Variants in GRIK4 observed in about 807,000 individuals in gnomAD.
GRIK4 encodes glutamate receptor ionotropic, kainate 4.
A neutral mutation model predicts 104.9 loss-of-function variants in GRIK4; 40 were observed. That is an observed-to-expected ratio of 0.38 (90% CI 0.30 to 0.50). GRIK4 has a LOEUF of 0.50. Ranked by LOEUF, GRIK4 falls within the 20% of genes least tolerant of loss-of-function variation. The pLI is 0.93. For missense variants in GRIK4, 1,047 were observed against 1,308.1 expected, an observed-to-expected ratio of 0.80 and a Z score of 3.08; for synonymous variants, 485 against 524.9, an observed-to-expected ratio of 0.92 and a Z score of 1.04.
At chr11:120,565,363 TCTC>T (rs1490053630) in intron 1 of GRIK4, among the ~76,000 whole-genome samples, 1 of 152,180 alleles carries the variant, frequency 6.6e-6, no homozygotes, top group African/African-American at 2.4e-5. Flanking sequence ...TGCTGCATCC[TCTC>T]CTCCTTTAAT....
At chr11:120,816,003 T>C (rs1396714002) in intron 5 of GRIK4, among the ~76,000 whole-genome samples, 1 of 152,176 alleles carries the variant, frequency 6.6e-6, no homozygotes, top group African/African-American at 2.4e-5. Flanking sequence ...CATTCACCAG[T>C]TCCAGTGTTT....
chr11:120,702,550 C>T (rs1003368092), intron 3 of GRIK4, among the ~76,000 whole-genome samples: 2 of 152,004 alleles, frequency 1.3e-5, no homozygotes, highest in Non-Finnish European at 2.9e-5. Context: ...GGACAGAGCT[C>T]GGGGGTGCTT....
At chr11:120,969,094 A>G (rs541277774) in intron 19 of GRIK4, among the ~76,000 whole-genome samples, 1 of 152,268 alleles carries the variant, frequency 6.6e-6, no homozygotes, top group Admixed American at 6.5e-5. Context: ...ATCACTTCAC[A>G]CTCCTGGGAA....
chr11:120,909,268 C>G (rs1332111637), intron 13 of GRIK4, among the ~76,000 whole-genome samples: 4 of 152,246 alleles, frequency 2.6e-5, no homozygotes, highest in Admixed American at 2.0e-4. Flanking sequence ...CATGCCCAAG[C>G]AAACATAAGG....
At position 120,614,165 on chromosome 11, in the gene GRIK4, C is replaced by A. The variant is rs528880528; in HGVS notation, c.-158-39520C>A. Among the ~76,000 whole-genome samples, 9 of 152,308 alleles carry A rather than the reference C, an allele frequency of 5.9e-5. No individual in the cohort carries two copies. The South Asian group carries it at 1.9e-3, about 32-fold the overall frequency. On this transcript the variant is annotated intron_variant, in intron 1 of 20. Transcript: ENST00000527524. ...CTGCCCCCCATGTAGGCGTGGCTCCCCCAGAAACAGACCCCAAGTGAAGAC... is the reference window on the plus strand; with the variant it reads ...CTGCCCCCCATGTAGGCGTGGCTCCACCAGAAACAGACCCCAAGTGAAGAC...
intron 11 of GRIK4, among the ~76,000 whole-genome samples, chr11:120,882,830 T>C (rs913337579): frequency 1.3e-5 from 2 of 152,154 alleles, no homozygotes; most frequent in East Asian, 3.9e-4. Context: ...AGTCCCCTCG[T>C]CTGCACTGGC....
In GRIK4 at chr11:120,967,754, C is replaced by T. The variant is rs61903168; in HGVS notation, c.2395+431C>T. On this transcript the variant is annotated intron_variant, in intron 19 of 20. Coordinates refer to ENST00000527524, the MANE Select transcript of GRIK4 (RefSeq NM_014619.5). The surrounding 1 kb of genome is among the most constrained non-coding windows in gnomAD (Gnocchi z 4.2). Reference sequence around the variant, plus strand: ...GGCAGCATTCCCCCCACAAACCTCCCAATGGTTTCCCATCCCACTGGGAAT... The same window carrying T: ...GGCAGCATTCCCCCCACAAACCTCCTAATGGTTTCCCATCCCACTGGGAAT... Among the ~76,000 whole-genome samples, 4 of 152,102 alleles carry T rather than the reference C, an allele frequency of 2.6e-5. No homozygotes were observed. The highest frequency in any genetic ancestry group is 5.9e-5 in the Non-Finnish European group (4 of 68,010).
chr11:120,891,009 T>C, intron 11 of GRIK4, among the ~76,000 whole-genome samples: 1 of 152,220 alleles, frequency 6.6e-6, no homozygotes, highest in Non-Finnish European at 1.5e-5. Context: ...GGCAAAGATG[T>C]GAGGAAATCC....
At chr11:120,622,494 T>C (rs1373324853) in intron 1 of GRIK4, among the ~76,000 whole-genome samples, 1 of 152,248 alleles carries the variant, frequency 6.6e-6, no homozygotes, top group African/African-American at 2.4e-5. Flanking sequence ...TTTCCAAGCC[T>C]AACCCTGATT....
intron 4 of GRIK4, among the ~76,000 whole-genome samples, chr11:120,814,819 C>T (rs1354031961): frequency 6.6e-6 from 1 of 152,156 alleles, no homozygotes; most frequent in Non-Finnish European, 1.5e-5. Context: ...TTCTTTCTGC[C>T]TCTCGCTTTC....
intron 1 of GRIK4, among the ~76,000 whole-genome samples, chr11:120,553,686 C>T (rs562282525): frequency 6.6e-6 from 1 of 152,250 alleles, no homozygotes; most frequent in East Asian, 1.9e-4. Flanking sequence ...GAGCAGAGAG[C>T]CCTATGGGCC....
intron 1 of GRIK4, among the ~76,000 whole-genome samples, chr11:120,552,738 G>A (rs1020393571): frequency 6.6e-6 from 1 of 152,166 alleles, no homozygotes; most frequent in Non-Finnish European, 1.5e-5. Context: ...GGTGGCTCAT[G>A]CCTGTAATCC....
At chr11:120,528,693 T>G (rs1565539399) in intron 1 of GRIK4, among the ~76,000 whole-genome samples, 1 of 152,294 alleles carries the variant, frequency 6.6e-6, no homozygotes, top group East Asian at 1.9e-4. Flanking sequence ...ACATCTTACA[T>G]GAATGGCAGC....
chr11:120,911,855 AAAAG>A (rs1403490103), intron 13 of GRIK4, among the ~76,000 whole-genome samples: 7 of 151,370 alleles, frequency 4.6e-5, no homozygotes, highest in Non-Finnish European at 8.8e-5. Flanking sequence ...AAAAAAAAAA[AAAAG>A]AAAAGAAAAG....
At chr11:120,900,719 G>A (rs766132915) in intron 12 of GRIK4, among the ~76,000 whole-genome samples, 6 of 152,166 alleles carry the variant, frequency 3.9e-5, no homozygotes, top group African/African-American at 7.2e-5. Flanking sequence ...CCAAGTAGTT[G>A]CCGGGGGAGG....
At chr11:120,653,848 G>A (rs1350254954) in intron 2 of GRIK4, 56 bp downstream of exon 2, 1 of 152,270 alleles carries the variant, frequency 6.6e-6, no homozygotes, top group African/African-American at 2.4e-5. Context: ...TCTGAGGGGG[G>A]CAGCTGCTCA....
At position 120,525,263 on chromosome 11, in the gene GRIK4, G is replaced by T. The variant is rs139763240; in HGVS notation, c.-159+13376G>T. Among the ~76,000 whole-genome samples the T allele has an allele frequency of 8.0e-4, 122 of 152,328 alleles. No individual in the cohort carries two copies. In the East Asian group the frequency reaches 0.023, roughly 29 times the overall value. On this transcript the variant is annotated intron_variant, in intron 1 of 20. Transcript: ENST00000527524. ...TCACAAGTGAGGGCATTGAGGTTCA[G>T]AGAGGGAAGGAACTTGCCTGAGATC...
At chr11:120,593,302 C>T (rs574740223) in intron 1 of GRIK4, among the ~76,000 whole-genome samples, 2 of 152,280 alleles carry the variant, frequency 1.3e-5, no homozygotes, top group South Asian at 2.1e-4. Context: ...CTTCACCTCC[C>T]GATCACTCTC....
chr11:120,646,665 T>A, intron 1 of GRIK4, among the ~76,000 whole-genome samples: 1 of 152,168 alleles, frequency 6.6e-6, no homozygotes, highest in East Asian at 1.9e-4. Flanking sequence ...TCCTAGGTGT[T>A]TTGAAGAAAA....
Sources: gnomAD v4.1 joint callset for allele counts (sites outside exome capture counted in the v4.1 genomes callset) on GRCh38, gnomAD v4.1.1 for gene constraint, Gnocchi (gnomAD v3.1) non-coding constraint, MANE v1.5 for transcripts, NCBI Gene and HGNC (gene_info 2026-07-23, HGNC 2026-07-21) for gene names.